Variants in GRM5 observed in about 807,000 individuals in gnomAD.
GRM5 encodes glutamate metabotropic receptor 5.
GRM5 carries 19 observed loss-of-function variants against 83.1 expected under a neutral mutation model. That is an observed-to-expected ratio of 0.23 (90% CI 0.16 to 0.34). The LOEUF (loss-of-function observed/expected upper bound fraction) is 0.34. Among genes scored for constraint, GRM5 ranks in the 10% least tolerant of loss-of-function variants. The pLI, the probability that GRM5 is intolerant of heterozygous loss-of-function variation, is 1.00. For synonymous variants in GRM5, 675 were observed against 633.6 expected, an observed-to-expected ratio of 1.07 and a Z score of -0.98; for missense variants, 1,160 against 1,588.3, an observed-to-expected ratio of 0.73 and a Z score of 4.58.
chr11:88,939,281 C>G (rs573060), intron 2 of GRM5, among the ~76,000 whole-genome samples: 38,030 of 151,476 alleles, frequency 0.25, 5,849 homozygotes, highest in Non-Finnish European at 0.35. Flanking sequence ...ACCCGGTGTG[C>G]TTACTTTAAA....
chr11:88,856,266 T>C (rs1944474387), intron 2 of GRM5, among the ~76,000 whole-genome samples: 1 of 152,154 alleles, frequency 6.6e-6, no homozygotes, highest in Non-Finnish European at 1.5e-5. Flanking sequence ...GTCCTTATTC[T>C]ATGAGCTTTT....
At chr11:88,803,659 G>C (rs1033742963) in intron 3 of GRM5, among the ~76,000 whole-genome samples, 1 of 152,138 alleles carries the variant, frequency 6.6e-6, no homozygotes, top group African/African-American at 2.4e-5. Context: ...CAAAAACAAT[G>C]GCAACAGAAG....
Position 88,604,838 on chromosome 11 carries a change from A to T in GRM5, c.1274T>A (p.Leu425His). The change falls in exon 5 of 10, where the codon CTC becomes CAC. Residue 425 changes from leucine to histidine, a missense_variant. By Grantham distance (99) the Leu-to-His change is moderately conservative. Around this residue, in one of 9 missense-constraint regions of GRM5, gnomAD observed 132 missense variants for 197.6 expected, o/e 0.67. Coordinates refer to ENST00000305447, the MANE Select transcript of GRM5 (RefSeq NM_001143831.3). ...ATCAATTGGCTTCATGGCATCACAGAGTCCTGCATAGCCTGGGCAGAGGGA... is the reference window on the plus strand; with the variant it reads ...ATCAATTGGCTTCATGGCATCACAGTGTCCTGCATAGCCTGGGCAGAGGGA... ...QMSLCPGYAG[L>H]CDAMKPIDGR... The T allele has an allele frequency of 6.2e-7, 1 of 1,614,064 alleles. No individual in the cohort carries two copies. The highest frequency in any genetic ancestry group is 8.5e-7 in the Non-Finnish European group (1 of 1,179,940).
At chr11:88,525,890 A>G (rs920599711) in intron 8 of GRM5, among the ~76,000 whole-genome samples, 2 of 152,210 alleles carry the variant, frequency 1.3e-5, no homozygotes, top group Non-Finnish European at 2.9e-5. Context: ...CAAATTAATC[A>G]AAGATTAGTT....
At chr11:88,683,792 T>A (rs757029310) in intron 3 of GRM5, among the ~76,000 whole-genome samples, 2 of 152,222 alleles carry the variant, frequency 1.3e-5, no homozygotes, top group African/African-American at 2.4e-5. Context: ...ACTGGCAATA[T>A]ATGATAAGAG....
At chr11:89,052,686 G>C (rs138764770) in intron 1 of GRM5, among the ~76,000 whole-genome samples, 2,129 of 152,206 alleles carry the variant, frequency 0.014, 47 homozygotes, top group African/African-American at 0.047. Context: ...TTCAGATACA[G>C]AATCTTTCAG....
intron 2 of GRM5, among the ~76,000 whole-genome samples, chr11:89,036,800 G>A (rs1479061338): frequency 6.6e-6 from 1 of 151,934 alleles, no homozygotes; most frequent in Non-Finnish European, 1.5e-5. Flanking sequence ...AGATATTTTT[G>A]CAACAAACTG....
chr11:89,047,228 T>G lies in GRM5; in HGVS notation c.645A>C (p.Ser215=), dbSNP rs756555747. 1.9e-6 allele frequency: 3 copies of G among 1,611,288 alleles called. No individual in the cohort carries two copies. In the East Asian group the frequency reaches 6.7e-5, roughly 36 times the overall value. The change falls in exon 2 of 10, where the codon TCA becomes TCC. Residue 215 remains serine (S), a synonymous_variant. Transcript: ENST00000305447. This position sits in a 1 kb window ranked among gnomAD's most constrained non-coding sequence, Gnocchi z 5.1. The part of the protein sequence containing the change: ...IVKRYNWTYV[S]AVHTEGNYGE... ...GAAACTTACCTTCTGTGTGCACGGC[T>G]GATACATAGGTCCAGTTGTACCTCT...
intron 3 of GRM5, among the ~76,000 whole-genome samples, chr11:88,773,939 T>A (rs1433292601): frequency 6.6e-6 from 1 of 152,234 alleles, no homozygotes; most frequent in Non-Finnish European, 1.5e-5. Context: ...ATGAAGGCTC[T>A]TTTTTGGTTC....
At chr11:88,714,794 T>C (rs767369521) in intron 3 of GRM5, among the ~76,000 whole-genome samples, 3 of 151,966 alleles carry the variant, frequency 2.0e-5, no homozygotes, top group Non-Finnish European at 4.4e-5. Context: ...AGATGCAAAC[T>C]GCTAGTTCTT....
intron 3 of GRM5, among the ~76,000 whole-genome samples, chr11:88,746,571 A>C (rs1010002400): frequency 1.1e-3 from 3 of 2,786 alleles, no homozygotes; most frequent in African/African-American, 1.3e-3. Context: ...TTCTGGAGAC[A>C]AAAAAAAAAA....
intron 2 of GRM5, among the ~76,000 whole-genome samples, chr11:88,878,118 C>G (rs1944891335): frequency 6.6e-6 from 1 of 152,084 alleles, no homozygotes; most frequent in South Asian, 2.1e-4. Context: ...AAAATCTACA[C>G]AAGGTTTATT....
At chr11:88,836,935 T>C (rs530685658) in intron 3 of GRM5, among the ~76,000 whole-genome samples, 93 of 152,360 alleles carry the variant, frequency 6.1e-4, no homozygotes, top group African/African-American at 2.2e-3. Context: ...TCTCTGTAGA[T>C]GTTTACACAC....
chr11:88,862,432 T>C (rs1391248713), intron 2 of GRM5, among the ~76,000 whole-genome samples: 2 of 152,154 alleles, frequency 1.3e-5, no homozygotes, highest in African/African-American at 2.4e-5. Context: ...ACATTATTTA[T>C]GTTAACATGC....
At chr11:88,803,694 T>C (rs1943443735) in intron 3 of GRM5, among the ~76,000 whole-genome samples, 1 of 152,068 alleles carries the variant, frequency 6.6e-6, no homozygotes, top group South Asian at 2.1e-4. Flanking sequence ...TGGGATCTAA[T>C]TAAACTAAAG....
chr11:88,770,537 A>G (rs1428888645), intron 3 of GRM5, among the ~76,000 whole-genome samples: 2 of 152,142 alleles, frequency 1.3e-5, no homozygotes, highest in Non-Finnish European at 2.9e-5. Flanking sequence ...AATCAATTGA[A>G]CAAATGTTGC....
intron 4 of GRM5, among the ~76,000 whole-genome samples, chr11:88,625,108 G>T (rs1054387526): frequency 6.6e-6 from 1 of 152,114 alleles, no homozygotes; most frequent in African/African-American, 2.4e-5. Context: ...ACATCAAGGG[G>T]ACCTATTCCT....
At chr11:88,543,580 C>T (rs1404611009) in intron 8 of GRM5, among the ~76,000 whole-genome samples, 1 of 123,366 alleles carries the variant, frequency 8.1e-6, no homozygotes, top group Non-Finnish European at 1.8e-5. Flanking sequence ...ATAGAGAAAT[C>T]AGAGAAGAGG....
chr11:89,037,310 A>G (rs1941413815), intron 2 of GRM5, among the ~76,000 whole-genome samples: 1 of 152,058 alleles, frequency 6.6e-6, no homozygotes, highest in Admixed American at 6.6e-5. Context: ...TGTCTTTATC[A>G]TTGATAAAAA....
Sources: allele counts gnomAD v4.1 joint callset (sites outside exome capture counted in the v4.1 genomes callset), GRCh38; gene constraint gnomAD v4.1.1; regional missense constraint gnomAD v4.1.1; non-coding constraint Gnocchi (gnomAD v3.1); transcripts MANE v1.5; gene names NCBI Gene and HGNC (gene_info 2026-07-23, HGNC 2026-07-21).